Variants in GRIN2A observed in about 807,000 individuals in gnomAD.
GRIN2A encodes the protein glutamate receptor ionotropic, NMDA 2A.
GRIN2A carries 22 observed loss-of-function variants against 113.4 expected under a neutral mutation model. The ratio of observed to expected loss-of-function variants is 0.19; its 90% confidence interval spans 0.14 to 0.28. The LOEUF is 0.28. Among genes scored for constraint, GRIN2A ranks in the 10% least tolerant of loss-of-function variants. The probability of loss-of-function intolerance (pLI) is 1.00; values close to 1 mark genes in which losing one functional copy is unlikely to be tolerated. For synonymous variants in GRIN2A, 827 were observed against 738.4 expected (o/e 1.12, Z -1.94); for missense variants, 1,502 against 1,887.0 (o/e 0.80, Z 3.78).
Position 10,034,535 on chromosome 16 carries a change from C to CAA in GRIN2A, c.415-95986_415-95985dup, listed in dbSNP as rs58076569. 2.4e-3 allele frequency among the ~76,000 whole-genome samples: 87 copies of CAA among 36,430 alleles called. 1 individual carries two copies. Among genetic ancestry groups the CAA allele is most frequent in the Non-Finnish European group, 3.0e-3 (59 of 19,824 alleles). 23.9% of individuals were successfully genotyped at this position (36,430 alleles called of 152,430 possible). A position where few individuals can be genotyped will look rare whatever the true frequency, so the allele number is the denominator to read the frequency against. On this transcript the variant is annotated intron_variant, in intron 2 of 12. Transcript: ENST00000330684. ...AGTGAGACCCCACGTCAAAAAAAAG[C>CAA]AAAAAAAAAAAAAAAAAAAAAAAAA...
At chr16:9,807,054 G>C (rs1056413183) in intron 10 of GRIN2A, among the ~76,000 whole-genome samples, 3 of 151,224 alleles carry the variant, frequency 2.0e-5, no homozygotes, top group Non-Finnish European at 4.4e-5. Flanking sequence ...CACCATGTAA[G>C]ACATGCCTTT....
intron 2 of GRIN2A, among the ~76,000 whole-genome samples, chr16:9,990,182 T>C (rs1262611316): frequency 2.0e-5 from 3 of 152,148 alleles, no homozygotes; most frequent in South Asian, 2.1e-4. Context: ...ATATATACAC[T>C]ATGGAATGCT....
chr16:9,864,249 G>GT (rs71380941), intron 4 of GRIN2A, among the ~76,000 whole-genome samples: 2 of 152,004 alleles, frequency 1.3e-5, no homozygotes, highest in Non-Finnish European at 2.9e-5. Context: ...ATATTAAGAA[G>GT]TTTTTTTTCC....
At chr16:9,812,648 CAAAAAAGAAAG>C (rs982372543) in intron 10 of GRIN2A, among the ~76,000 whole-genome samples, 1 of 150,594 alleles carries the variant, frequency 6.6e-6, no homozygotes. Context: ...AAAACAAAAA[CAAAAAAGAAAG>C]AAAAAAGAAA....
chr16:10,069,406 G>A (rs1184478904), intron 2 of GRIN2A, among the ~76,000 whole-genome samples: 2 of 152,230 alleles, frequency 1.3e-5, no homozygotes, highest in Admixed American at 6.5e-5. Context: ...ACCATCACAC[G>A]ATTTGAGGTT....
At chr16:10,003,497 T>A (rs1007187216) in intron 2 of GRIN2A, among the ~76,000 whole-genome samples, 4 of 152,178 alleles carry the variant, frequency 2.6e-5, no homozygotes, top group African/African-American at 7.2e-5. Flanking sequence ...ACCATGGTAT[T>A]GTTTGCATTA....
At chr16:9,801,714 G>A (rs1242640993) in intron 10 of GRIN2A, among the ~76,000 whole-genome samples, 1 of 152,226 alleles carries the variant, frequency 6.6e-6, no homozygotes, top group Non-Finnish European at 1.5e-5. Context: ...AAAAGATGTG[G>A]TTGACTCTGA....
At chr16:9,939,160 T>G (rs2044793215) in intron 2 of GRIN2A, among the ~76,000 whole-genome samples, 1 of 152,198 alleles carries the variant, frequency 6.6e-6, no homozygotes, top group Non-Finnish European at 1.5e-5. Flanking sequence ...TCGAACACCT[T>G]ATTAAGTGTT....
chr16:9,867,307 A>T (rs1172174764), intron 4 of GRIN2A, among the ~76,000 whole-genome samples: 3 of 152,092 alleles, frequency 2.0e-5, no homozygotes, highest in African/African-American at 7.2e-5. Context: ...CATCTCTCCC[A>T]TTCCCTAGAA....
At chr16:10,118,726 C>A (rs912789354) in intron 2 of GRIN2A, among the ~76,000 whole-genome samples, 20 of 152,324 alleles carry the variant, frequency 1.3e-4, no homozygotes, top group Non-Finnish European at 1.8e-4. Context: ...AAACTCTCCC[C>A]ACTGCTGAAT....
chr16:10,162,455 G>T (rs1046353372), intron 2 of GRIN2A, among the ~76,000 whole-genome samples: 2 of 152,220 alleles, frequency 1.3e-5, no homozygotes, highest in Non-Finnish European at 2.9e-5. Context: ...CAACAGAAAT[G>T]TAATTTGTTC....
intron 2 of GRIN2A, among the ~76,000 whole-genome samples, chr16:10,107,979 T>C (rs148152433): frequency 1.3e-5 from 2 of 152,330 alleles, no homozygotes; most frequent in African/African-American, 2.4e-5. Flanking sequence ...ATGCCTCATA[T>C]GCAAAAGGCC....
intron 2 of GRIN2A, among the ~76,000 whole-genome samples, chr16:10,158,806 T>A (rs1014780396): frequency 3.3e-5 from 5 of 152,170 alleles, no homozygotes; most frequent in African/African-American, 9.7e-5. Flanking sequence ...TGGTCTCCTT[T>A]TGGAGTGATG....
chr16:9,851,806 G>T (rs980620564), intron 4 of GRIN2A, among the ~76,000 whole-genome samples: 1 of 152,158 alleles, frequency 6.6e-6, no homozygotes, highest in Non-Finnish European at 1.5e-5. Context: ...GAGCAACAGG[G>T]TATGACCTTG....
At chr16:9,982,295 A>G (rs1396134473) in intron 2 of GRIN2A, among the ~76,000 whole-genome samples, 1 of 152,170 alleles carries the variant, frequency 6.6e-6, no homozygotes, top group Non-Finnish European at 1.5e-5. Flanking sequence ...AATACTTCAT[A>G]AGTGATGTGT....
At chr16:10,139,257 G>T (rs2049271243) in intron 2 of GRIN2A, among the ~76,000 whole-genome samples, 1 of 152,158 alleles carries the variant, frequency 6.6e-6, no homozygotes, top group Admixed American at 6.5e-5. Flanking sequence ...TGCACCTCGT[G>T]TCTCAGTGAT....
At chr16:9,813,972 A>G (rs945286478) in intron 10 of GRIN2A, among the ~76,000 whole-genome samples, 3 of 152,176 alleles carry the variant, frequency 2.0e-5, no homozygotes, top group Non-Finnish European at 4.4e-5. Context: ...AATACAGCAA[A>G]TAAAACCTGC....
At chr16:9,977,922 G>C (rs149797832) in intron 2 of GRIN2A, among the ~76,000 whole-genome samples, 405 of 152,284 alleles carry the variant, frequency 2.7e-3, no homozygotes, top group African/African-American at 9.4e-3. Context: ...CAACCCTGCA[G>C]CTTAACAACG....
chr16:9,784,911 GAATGGC>G (rs1265104202), intron 11 of GRIN2A, among the ~76,000 whole-genome samples: 6 of 152,172 alleles, frequency 3.9e-5, no homozygotes, highest in African/African-American at 1.4e-4. Flanking sequence ...ACACCAGTTA[GAATGGC>G]AATCATTAAA....
Sources: gnomAD v4.1 joint callset for allele counts (sites outside exome capture counted in the v4.1 genomes callset) on GRCh38, gnomAD v4.1.1 for gene constraint, MANE v1.5 for transcripts, NCBI Gene and HGNC (gene_info 2026-07-23, HGNC 2026-07-21) for gene names.